Variants in FOXN3 observed in about 807,000 individuals in gnomAD.
FOXN3 encodes forkhead box N3, also known as forkhead box protein N3.
Under a neutral mutation model 38.4 loss-of-function variants are expected in FOXN3, and 7 were observed. That is an observed-to-expected ratio of 0.18 (90% CI 0.10 to 0.34). FOXN3 has a LOEUF of 0.34. Ranked by LOEUF, FOXN3 falls within the 10% of genes least tolerant of loss-of-function variation. FOXN3 has a pLI of 1.00. For missense variants in FOXN3, 456 were observed against 613.4 expected, an observed-to-expected ratio of 0.74 and a Z score of 2.71; for synonymous variants, 230 against 242.2, an observed-to-expected ratio of 0.95 and a Z score of 0.47.
At chr14:89,480,274 G>C (rs568135798) in intron 1 of FOXN3, among the ~76,000 whole-genome samples, 1 of 152,120 alleles carries the variant, frequency 6.6e-6, no homozygotes, top group Admixed American at 6.5e-5. Context: ...GTGGTGGCGG[G>C]CGCCTGTAGT....
At chr14:89,612,360 T>C (rs1481470935) in intron 1 of FOXN3, among the ~76,000 whole-genome samples, 1 of 152,310 alleles carries the variant, frequency 6.6e-6, no homozygotes, top group South Asian at 2.1e-4. Flanking sequence ...CCATTCTAAA[T>C]GCTGAATCTA....
intron 3 of FOXN3, among the ~76,000 whole-genome samples, chr14:89,304,158 A>G (rs1233353217): frequency 2.0e-5 from 3 of 152,212 alleles, no homozygotes; most frequent in African/African-American, 7.2e-5. Flanking sequence ...TTCAACTTTA[A>G]AAGAGAGGCA....
intron 4 of FOXN3, among the ~76,000 whole-genome samples, chr14:89,277,534 T>G (rs1886335306): frequency 1.3e-5 from 2 of 152,138 alleles, no homozygotes; most frequent in African/African-American, 4.8e-5. Context: ...AAACCAAATC[T>G]TACCCCATTA....
intron 1 of FOXN3, among the ~76,000 whole-genome samples, chr14:89,565,802 G>A (rs533571841): frequency 2.5e-3 from 388 of 152,280 alleles, no homozygotes; most frequent in Non-Finnish European, 4.3e-3. Flanking sequence ...CCATCTTCAC[G>A]TCAGATCTGG....
chr14:89,246,423 C>T (rs1885298534), intron 4 of FOXN3, among the ~76,000 whole-genome samples: 1 of 151,976 alleles, frequency 6.6e-6, no homozygotes, highest in Non-Finnish European at 1.5e-5. Context: ...TTTTCACAGG[C>T]TCCGAGTTCT....
At chr14:89,609,650 G>T (rs572361941) in intron 1 of FOXN3, among the ~76,000 whole-genome samples, 1 of 152,010 alleles carries the variant, frequency 6.6e-6, no homozygotes, top group Admixed American at 6.6e-5. Context: ...TAAGTAACTC[G>T]CCTAAAGTCA....
At chr14:89,574,154 G>A (rs900061575) in intron 1 of FOXN3, among the ~76,000 whole-genome samples, 8 of 152,178 alleles carry the variant, frequency 5.3e-5, no homozygotes, top group Non-Finnish European at 8.8e-5. Flanking sequence ...TTGTTGGTCT[G>A]AGCCACTCTC....
chr14:89,424,582 G>GA (rs1053939388), intron 1 of FOXN3, among the ~76,000 whole-genome samples: 12 of 152,138 alleles, frequency 7.9e-5, no homozygotes, highest in African/African-American at 2.9e-4. Context: ...CTTGAATTAA[G>GA]AATTTGTGGG....
At chr14:89,382,774 G>C (rs985340078) in intron 2 of FOXN3, among the ~76,000 whole-genome samples, 1 of 152,166 alleles carries the variant, frequency 6.6e-6, no homozygotes, top group East Asian at 1.9e-4. Flanking sequence ...ATATGAAACC[G>C]CTTGGCAAAG....
At chr14:89,555,504 A>G (rs1396377281) in intron 1 of FOXN3, among the ~76,000 whole-genome samples, 1 of 152,178 alleles carries the variant, frequency 6.6e-6, no homozygotes, top group Non-Finnish European at 1.5e-5. Context: ...CAGTAAGGAT[A>G]AGCATCTTGT....
In FOXN3 at chr14:89,162,699, G is replaced by A. The variant is rs143673672; in HGVS notation, c.1122C>T (p.Asp374=). 1.1e-4 allele frequency: 180 copies of A among 1,613,958 alleles called. No homozygotes were observed. Among genetic ancestry groups the A allele is most frequent in the East Asian group, 3.8e-4 (17 of 44,868 alleles). ...GCTCCTTCTGGCTGTGCTTCCTGTC[G>A]TCCTCTTCCGTGTCGCTGGGGCTCT... The part of the protein sequence containing the change: ...SHESPSDTEE[D]DRKHSQKEPK... Residue 374 remains aspartate, a synonymous_variant, in exon 6 of 6, where the codon GAC becomes GAT. Coordinates refer to ENST00000557258, the MANE Select transcript of FOXN3 (RefSeq NM_005197.4). The surrounding 1 kb of genome is among the most constrained non-coding windows in gnomAD (Gnocchi z 7.2).
At position 89,163,538 on chromosome 14, in the gene FOXN3, T is replaced by C. The variant is rs145513785; in HGVS notation, c.852-569A>G. 6.6e-6 allele frequency among the ~76,000 whole-genome samples: 1 copy of C among 152,128 alleles called. No homozygotes were observed. Among genetic ancestry groups the C allele is most frequent in the East Asian group, 1.9e-4 (1 of 5,166 alleles). On this transcript the variant is annotated intron_variant, in intron 5 of 5. Coordinates refer to ENST00000557258, the MANE Select transcript of FOXN3 (RefSeq NM_005197.4). This position sits in a 1 kb window ranked among gnomAD's most constrained non-coding sequence, Gnocchi z 4.3. ...AGCGCCTAACAGAAATGCATGACCT[T>C]AGGGAGGGTTCTGGGGGAGGGACAC...
At position 89,170,599 on chromosome 14, in the gene FOXN3, T is replaced by C. The variant is rs559410364; in HGVS notation, c.852-7630A>G. Among the ~76,000 whole-genome samples the C allele has an allele frequency of 3.3e-5, 5 of 152,246 alleles. No homozygotes were observed. The South Asian group carries it at 8.3e-4, about 25-fold the overall frequency. On this transcript the variant is annotated intron_variant, in intron 5 of 5. Coordinates refer to ENST00000557258, the MANE Select transcript of FOXN3 (RefSeq NM_005197.4). ...CTGAAATATTTTTTAAAAACTGATATATACTAGACCACACAGCAAATGTCA... is the reference window on the plus strand; with the variant it reads ...CTGAAATATTTTTTAAAAACTGATACATACTAGACCACACAGCAAATGTCA...
At chr14:89,294,272 G>A (rs577359886) in intron 3 of FOXN3, among the ~76,000 whole-genome samples, 4 of 150,930 alleles carry the variant, frequency 2.7e-5, no homozygotes, top group African/African-American at 9.9e-5. Flanking sequence ...TTCAGGCACA[G>A]TCCCCAGGGC....
At chr14:89,618,570 ACT>A (rs761840624) in intron 1 of FOXN3, among the ~76,000 whole-genome samples, 21 of 152,150 alleles carry the variant, frequency 1.4e-4, no homozygotes, top group East Asian at 9.6e-4. Flanking sequence ...AATGCTGTAA[ACT>A]CTGCCCAGCC....
rs1888672710 is a variant in FOXN3 at position 89,343,488 on chromosome 14, T to TG, written c.680+7183_680+7184insC. 2.7e-4 allele frequency among the ~76,000 whole-genome samples: 3 copies of TG among 11,118 alleles called. No individual in the cohort carries two copies. The Admixed American group carries it at 4.0e-3, about 15-fold the overall frequency. 7.3% of individuals were successfully genotyped at this position (11,118 alleles called of 152,430 possible). A position where few individuals can be genotyped will look rare whatever the true frequency, so the allele number is the denominator to read the frequency against. Reference sequence around the variant, plus strand: ...GTATTACTCTATGAAGACATTTAAATTAAAAAAAAAAAAGGACATCAATAG... The same window carrying TG: ...GTATTACTCTATGAAGACATTTAAATGTAAAAAAAAAAAAGGACATCAATAG... On this transcript the variant is annotated intron_variant, in intron 3 of 5. Transcript: ENST00000557258.
chr14:89,356,754 C>G (rs1889245376), intron 2 of FOXN3, among the ~76,000 whole-genome samples: 6 of 152,134 alleles, frequency 3.9e-5, no homozygotes, highest in Admixed American at 3.9e-4. Context: ...ATGAAGGGTC[C>G]ACTTGTGAAT....
chr14:89,254,031 G>A (rs1885543028), intron 4 of FOXN3, among the ~76,000 whole-genome samples: 1 of 152,152 alleles, frequency 6.6e-6, no homozygotes, highest in Non-Finnish European at 1.5e-5. Flanking sequence ...AAGAGCACCA[G>A]TCTTGGAACG....
At position 89,162,867 on chromosome 14, in the gene FOXN3, G is replaced by C. The variant is rs1442653568; in HGVS notation, c.954C>G (p.Ala318=). ...AGGTGCTCCGGGCGTTGGAGGACTT[G>C]GCACTGCTGTAGTTGTGATCCTCCT... The part of the protein sequence containing the change: ...DPKEDHNYSS[A]KSSNARSTSP... Residue 318 remains alanine (A), a synonymous_variant, in exon 6 of 6, where the codon GCC becomes GCG. Transcript: ENST00000557258. This position sits in a 1 kb window ranked among gnomAD's most constrained non-coding sequence, Gnocchi z 7.2. 6.2e-7 allele frequency: 1 copy of C among 1,611,728 alleles called. No individual in the cohort carries two copies. Among genetic ancestry groups the C allele is most frequent in the Non-Finnish European group, 8.5e-7 (1 of 1,179,930 alleles).
Sources: allele counts gnomAD v4.1 joint callset (sites outside exome capture counted in the v4.1 genomes callset), GRCh38; gene constraint gnomAD v4.1.1; non-coding constraint Gnocchi (gnomAD v3.1); transcripts MANE v1.5; gene names NCBI Gene and HGNC (gene_info 2026-07-23, HGNC 2026-07-21).